The following CECR2 variants were observed in gnomAD, a reference collection of about 807,000 sequenced individuals.
The protein encoded by CECR2 is CECR2 histone acetyl-lysine reader.
Under a neutral mutation model 154.5 loss-of-function variants are expected in CECR2, and 30 were observed. The ratio of observed to expected loss-of-function variants is 0.19; its 90% CI spans 0.15 to 0.26. The LOEUF (loss-of-function observed/expected upper bound fraction) is 0.26. CECR2 is among the 10% of genes least tolerant of loss of function. The pLI is 1.00. For synonymous variants in CECR2, 725 were observed against 683.7 expected (o/e 1.06, Z -0.94); for missense variants, 1,743 against 1,829.3 (o/e 0.95, Z 0.86).
chr22:17,428,706 G>A (rs781616920), intron 1 of CECR2, among the ~76,000 whole-genome samples: 7 of 151,976 alleles, frequency 4.6e-5, no homozygotes, highest in African/African-American at 1.7e-4. Context: ...TCGAACTCCT[G>A]GGCTCGAATG....
At chr22:17,415,147 C>A (rs1245516685) in intron 1 of CECR2, among the ~76,000 whole-genome samples, 1 of 152,112 alleles carries the variant, frequency 6.6e-6, no homozygotes, top group Non-Finnish European at 1.5e-5. Context: ...ATGAACCTTA[C>A]CTGTTAACAG....
At chr22:17,493,564 T>C (rs2055568597) in intron 2 of CECR2, among the ~76,000 whole-genome samples, 1 of 152,160 alleles carries the variant, frequency 6.6e-6, no homozygotes, top group Non-Finnish European at 1.5e-5. Context: ...TACAAGGAAA[T>C]GGAATTGTCT....
chr22:17,367,520 G>A (rs1310353970), upstream of CECR2, among the ~76,000 whole-genome samples: 1 of 152,000 alleles, frequency 6.6e-6, no homozygotes, highest in African/African-American at 2.4e-5. Flanking sequence ...CGAGTAGCTG[G>A]GACTACGGGC....
intron 1 of CECR2, among the ~76,000 whole-genome samples, chr22:17,387,059 G>C (rs1398099408): frequency 6.6e-6 from 1 of 152,074 alleles, no homozygotes; most frequent in Non-Finnish European, 1.5e-5. Flanking sequence ...TTAATGTTTT[G>C]TAGGACTACT....
At chr22:17,488,949 TTTAC>T (rs1461524932) in intron 2 of CECR2, among the ~76,000 whole-genome samples, 1 of 152,226 alleles carries the variant, frequency 6.6e-6, no homozygotes, top group African/African-American at 2.4e-5. Flanking sequence ...TAAATTTTTA[TTTAC>T]TTATTTATTT....
At chr22:17,426,358 T>C (rs1483043270) in intron 1 of CECR2, among the ~76,000 whole-genome samples, 1 of 148,934 alleles carries the variant, frequency 6.7e-6, no homozygotes, top group African/African-American at 2.5e-5. Context: ...ATTCTTTTAA[T>C]TTTTTTTTTT....
At chr22:17,530,676 C>G (rs1342410814) in intron 9 of CECR2, among the ~76,000 whole-genome samples, 3 of 149,960 alleles carry the variant, frequency 2.0e-5, no homozygotes, top group Admixed American at 6.6e-5. Context: ...GACTCTGTCC[C>G]CCTCAAAAAA....
At chr22:17,364,808 CAG>C (rs1210475406), upstream of CECR2, among the ~76,000 whole-genome samples, 1 of 151,966 alleles carries the variant, frequency 6.6e-6, no homozygotes, top group Non-Finnish European at 1.5e-5. Flanking sequence ...GCCTCGGCAA[CAG>C]AGGGAGATTC....
intron 1 of CECR2, chr22:17,477,173 C>A: frequency 1.4e-6 from 1 of 719,392 alleles, no homozygotes; most frequent in South Asian, 1.5e-5. Flanking sequence ...GAGTAAATGA[C>A]AAATGTTTCA....
intron 1 of CECR2, among the ~76,000 whole-genome samples, chr22:17,447,200 A>G (rs2054685456): frequency 6.9e-6 from 1 of 145,784 alleles, no homozygotes; most frequent in South Asian, 2.2e-4. Context: ...ATGCCCGGCT[A>G]ATTTTTTGTG....
chr22:17,482,557 G>A (rs1042903143), intron 2 of CECR2, among the ~76,000 whole-genome samples: 1 of 151,460 alleles, frequency 6.6e-6, no homozygotes, highest in Non-Finnish European at 1.5e-5. Context: ...TTTTTGACAC[G>A]GGGTCTCACT....
intron 9 of CECR2, among the ~76,000 whole-genome samples, chr22:17,528,042 A>AT (rs1207050201): frequency 6.6e-6 from 1 of 152,202 alleles, no homozygotes; most frequent in African/African-American, 2.4e-5. Flanking sequence ...AAATCTATTA[A>AT]TCCCACTGCT....
At chr22:17,463,148 A>G (rs2054969802) in intron 1 of CECR2, among the ~76,000 whole-genome samples, 1 of 152,242 alleles carries the variant, frequency 6.6e-6, no homozygotes, top group South Asian at 2.1e-4. Context: ...AACCTAGTGC[A>G]GATGCCCCAG....
At chr22:17,547,704 A>G (rs2056635207) in intron 16 of CECR2, among the ~76,000 whole-genome samples, 1 of 152,152 alleles carries the variant, frequency 6.6e-6, no homozygotes, top group Admixed American at 6.5e-5. Flanking sequence ...GAAACCAGGC[A>G]TTTGGCCTTC....
chr22:17,538,690 G>A lies in CECR2; in HGVS notation c.1327G>A (p.Val443Met). Reference protein sequence around the residue: ...HKDSWPFLEPVDESYAPNYYQ... With the variant: ...HKDSWPFLEPMDESYAPNYYQ... ...GGATTCCTGGCCCTTCTTGGAACCTGTGGATGAATCTTATGCCCCTAACTA... is the reference window on the plus strand; with the variant it reads ...GGATTCCTGGCCCTTCTTGGAACCTATGGATGAATCTTATGCCCCTAACTA... The change falls in exon 12 of 19, where the codon GTG (valine) becomes ATG (methionine). Residue 443 changes from valine to methionine, a missense_variant. Transcript: ENST00000262608. 1 of 1,613,996 alleles carries A rather than the reference G, an allele frequency of 6.2e-7. No homozygotes were observed.
intron 1 of CECR2, among the ~76,000 whole-genome samples, chr22:17,375,727 C>T (rs1007412829): frequency 2.0e-5 from 3 of 151,856 alleles, no homozygotes; most frequent in Non-Finnish European, 4.4e-5. Flanking sequence ...GAGGCCGAGG[C>T]GGGCGGATCA....
intron 1 of CECR2, among the ~76,000 whole-genome samples, chr22:17,379,581 G>GGTGTGTGTGTGT (rs60634016): frequency 1.1e-3 from 155 of 137,896 alleles, no homozygotes; most frequent in Middle Eastern, 3.8e-3. Context: ...CTACGTTGAA[G>GGTGTGTGTGTGT]GTGTGTGTGT....
chr22:17,405,700 TGA>T (rs1880823386), intron 1 of CECR2, among the ~76,000 whole-genome samples: 1 of 151,706 alleles, frequency 6.6e-6, no homozygotes, highest in Non-Finnish European at 1.5e-5. Context: ...GAAATAGCGT[TGA>T]GTTATATTAC....
chr22:17,443,949 T>TA (rs2054620441), intron 1 of CECR2, among the ~76,000 whole-genome samples: 1 of 152,156 alleles, frequency 6.6e-6, no homozygotes, highest in Non-Finnish European at 1.5e-5. Context: ...ATGAGATGAC[T>TA]AAAGGCAAGG....
Sources: gnomAD v4.1 joint callset for allele counts (sites outside exome capture counted in the v4.1 genomes callset) on GRCh38, gnomAD v4.1.1 for gene constraint, MANE v1.5 for transcripts, NCBI Gene and HGNC (gene_info 2026-07-23, HGNC 2026-07-21) for gene names.